Variants in CTDSP2 observed in about 807,000 individuals in gnomAD.
CTDSP2 encodes the protein carboxy-terminal domain RNA polymerase II polypeptide A small phosphatase 2.
In CTDSP2, 9 loss-of-function variants were observed where a neutral mutation model predicts 31.6. That is an observed-to-expected ratio of 0.28 (90% CI 0.17 to 0.50). CTDSP2 has a LOEUF of 0.50. Ranked by LOEUF, CTDSP2 falls within the 20% of genes least tolerant of loss-of-function variation. The pLI is 0.98. For synonymous variants in CTDSP2, 134 were observed against 134.5 expected (o/e 1.00, Z 0.03); for missense variants, 267 against 348.5 (o/e 0.77, Z 1.86).
rs533278211 is a variant in CTDSP2, at chr12:57,835,765, G to A, written c.65-6169C>T. Among the ~76,000 whole-genome samples the A allele has an allele frequency of 1.8e-4, 28 of 152,282 alleles. No individual in the cohort carries two copies. In the South Asian group the frequency reaches 2.7e-3, roughly 15 times the overall value. ...GGCCAGCCATCCAGCTCACTGCTGC[G>A]AGTCTTCCTACTGAGGCGGGGTGTG... On this transcript the variant is annotated intron_variant, in intron 1 of 7. Coordinates refer to ENST00000398073, the MANE Select transcript of CTDSP2 (RefSeq NM_005730.4).
chr12:57,827,695 C>T, intron 2 of CTDSP2, 105 bp from the exon 3 acceptor site: 1 of 1,108,134 alleles, frequency 9.0e-7, no homozygotes, highest in Non-Finnish European at 1.3e-6. Flanking sequence ...CTCCCCCAGA[C>T]CCAGCCACCT....
chr12:57,846,514 G>T lies in CTDSP2; in HGVS notation c.-79C>A. The T allele has an allele frequency of 8.4e-7, 1 of 1,192,100 alleles. No homozygotes were observed. 73.8% of individuals were successfully genotyped at this position (1,192,100 alleles called of 1,614,324 possible). ...GGCTGGGCTGGGCTGGGGGGCCTGG[G>T]CGGGGGCCCGCTCCGGCTCCCGAGA... On this transcript the variant is annotated 5_prime_UTR_variant, in exon 1 of 8. Coordinates refer to ENST00000398073, the MANE Select transcript of CTDSP2 (RefSeq NM_005730.4).
intron 1 of CTDSP2, among the ~76,000 whole-genome samples, chr12:57,840,902 C>T (rs544257372): frequency 4.6e-5 from 7 of 152,248 alleles, no homozygotes; most frequent in South Asian, 2.1e-4. Context: ...GAGGCTGTGG[C>T]GCTCACTGGA....
At chr12:57,846,012 C>A (rs1444441952) in intron 1 of CTDSP2, among the ~76,000 whole-genome samples, 2 of 152,206 alleles carry the variant, frequency 1.3e-5, no homozygotes. Context: ...CCGGGGCAGC[C>A]GCGCGCGGCG....
Position 57,824,460 on chromosome 12 carries a change from C to T in CTDSP2, c.412-141G>A, listed in dbSNP as rs1366960120. The stretch of plus-strand genomic sequence containing the variant: ...CCTGGGCTACCTGGCTGGAAGCCTG[C>T]GGCCCCCTGAGACCCCACAGACCCG... On this transcript the variant is annotated intron_variant, in intron 5 of 7. Transcript: ENST00000398073. The T allele has an allele frequency of 2.8e-5, 20 of 707,786 alleles. No individual in the cohort carries two copies. In the East Asian group the frequency reaches 3.3e-4, roughly 12 times the overall value. The allele number at this position is 707,786 out of a possible 1,614,324, so 43.8% of individuals were successfully genotyped here.
At chr12:57,839,245 G>A (rs1956266430) in intron 1 of CTDSP2, among the ~76,000 whole-genome samples, 1 of 152,182 alleles carries the variant, frequency 6.6e-6, no homozygotes, top group African/African-American at 2.4e-5. Context: ...TAGAAGTCAG[G>A]AAACCCAGCT....
At chr12:57,838,630 T>C (rs1417228795) in intron 1 of CTDSP2, among the ~76,000 whole-genome samples, 1 of 152,226 alleles carries the variant, frequency 6.6e-6, no homozygotes, top group African/African-American at 2.4e-5. Flanking sequence ...AAACGTGAGC[T>C]GGAGAAAGCA....
chr12:57,841,330 C>T (rs1464313047), intron 1 of CTDSP2, among the ~76,000 whole-genome samples: 1 of 152,158 alleles, frequency 6.6e-6, no homozygotes, highest in Non-Finnish European at 1.5e-5. Flanking sequence ...TCTCTTCAAA[C>T]CCCATTTTCT....
intron 1 of CTDSP2, among the ~76,000 whole-genome samples, chr12:57,831,585 G>A (rs1956216166): frequency 6.6e-6 from 1 of 152,224 alleles, no homozygotes; most frequent in East Asian, 1.9e-4. Context: ...TCACAGAATG[G>A]TCCTTGGTCC....
chr12:57,846,628 G>T lies in CTDSP2; in HGVS notation c.-193C>A. On this transcript the variant is annotated 5_prime_UTR_variant, in exon 1 of 8. Coordinates refer to ENST00000398073, the MANE Select transcript of CTDSP2 (RefSeq NM_005730.4). ...GGCCTGTACAAAGGGCGGGCGGCCC[G>T]GGCAGCGGCTCCCCCGGGTGCCCCC... 1 of 473,484 alleles carries T rather than the reference G, an allele frequency of 2.1e-6. No homozygotes were observed. Among genetic ancestry groups the T allele is most frequent in the Non-Finnish European group, 3.6e-6 (1 of 276,130 alleles). The allele number at this position is 473,484 out of a possible 1,614,324, so 29.3% of individuals were successfully genotyped here.
intron 1 of CTDSP2, among the ~76,000 whole-genome samples, chr12:57,839,493 C>A (rs546613547): frequency 1.3e-5 from 2 of 152,082 alleles, no homozygotes; most frequent in African/African-American, 4.8e-5. Flanking sequence ...CCAAGGCGGG[C>A]GGATCATGAG....
At position 57,822,935 on chromosome 12, in the gene CTDSP2, C is replaced by T. The variant is rs1433808285; in HGVS notation, c.*667G>A. The T allele has an allele frequency of 6.5e-6, 1 of 152,872 alleles. No individual in the cohort carries two copies. The highest frequency in any genetic ancestry group is 1.5e-5 in the Non-Finnish European group (1 of 68,232). 9.5% of individuals were successfully genotyped at this position (152,872 alleles called of 1,614,324 possible). A position where few individuals can be genotyped will look rare whatever the true frequency, so the allele number is the denominator to read the frequency against. On this transcript the variant is annotated 3_prime_UTR_variant, in exon 8 of 8. Transcript: ENST00000398073. ...TAGGTGGTGAGGAAGGCAGGCTCAGCACCCCAGCCTTGGGGAGACATAGAA... is the reference window on the plus strand; with the variant it reads ...TAGGTGGTGAGGAAGGCAGGCTCAGTACCCCAGCCTTGGGGAGACATAGAA...
At chr12:57,828,007 G>A (rs1234274522) in intron 2 of CTDSP2, among the ~76,000 whole-genome samples, 1 of 152,236 alleles carries the variant, frequency 6.6e-6, no homozygotes, top group Non-Finnish European at 1.5e-5. Context: ...CTCCTTAGGG[G>A]TTATGTGGGG....
chr12:57,823,987 GGTCCTTGAC>G lies in CTDSP2; in HGVS notation c.598_606del (p.Val200_Asp202del). On this transcript the variant is annotated inframe_deletion, in exon 7 of 8. Transcript: ENST00000398073. ...CTCAGGTCCCTCCCCAGGCGGCTGA[GGTCCTTGAC>G]GTAGCAGCCCTGGTGGAACACGCAA... 6.2e-7 allele frequency: 1 copy of G among 1,614,134 alleles called. No individual in the cohort carries two copies. Among genetic ancestry groups the G allele is most frequent in the Non-Finnish European group, 8.5e-7 (1 of 1,180,026 alleles).
intron 1 of CTDSP2, among the ~76,000 whole-genome samples, chr12:57,831,719 C>T (rs779683876): frequency 6.6e-6 from 1 of 152,080 alleles, no homozygotes; most frequent in African/African-American, 2.4e-5. Flanking sequence ...AAATGGATGC[C>T]GGAAATGCCT....
At chr12:57,836,639 C>T (rs538164789) in intron 1 of CTDSP2, among the ~76,000 whole-genome samples, 1 of 151,772 alleles carries the variant, frequency 6.6e-6, no homozygotes, top group South Asian at 2.1e-4. Context: ...GAGATTTTGT[C>T]TTTAAAAAAA....
chr12:57,838,778 T>C (rs530272584), intron 1 of CTDSP2, among the ~76,000 whole-genome samples: 1 of 152,224 alleles, frequency 6.6e-6, no homozygotes, highest in Non-Finnish European at 1.5e-5. Flanking sequence ...AGTTTCTTCA[T>C]CTGCAAAATG....
intron 5 of CTDSP2, among the ~76,000 whole-genome samples, chr12:57,825,616 G>C (rs1474051655): frequency 2.0e-5 from 3 of 152,244 alleles, no homozygotes; most frequent in South Asian, 2.1e-4. Flanking sequence ...GGCCTTCTGG[G>C]CAAGCAAGCT....
intron 1 of CTDSP2, among the ~76,000 whole-genome samples, chr12:57,841,580 C>G (rs183452378): frequency 1.9e-3 from 282 of 152,360 alleles, no homozygotes; most frequent in Non-Finnish European, 2.9e-3. Context: ...ACAGCCCAGG[C>G]AGATAACAAA....
Sources: gnomAD v4.1 joint callset for allele counts (sites outside exome capture counted in the v4.1 genomes callset) on GRCh38, gnomAD v4.1.1 for gene constraint, MANE v1.5 for transcripts, NCBI Gene and HGNC (gene_info 2026-07-23, HGNC 2026-07-21) for gene names.